The following TENM2 variants were observed in gnomAD, a reference collection of about 807,000 sequenced individuals.
The protein encoded by TENM2 is teneurin transmembrane protein 2, also known as teneurin-2.
A neutral mutation model predicts 245.2 loss-of-function variants in TENM2; 52 were observed. The ratio of observed to expected loss-of-function variants is 0.21; its 90% CI spans 0.17 to 0.27. The LOEUF (loss-of-function observed/expected upper bound fraction) is 0.27, where lower values mean the gene tolerates loss of function less well. Ranked by LOEUF, TENM2 falls within the 10% of genes least tolerant of loss-of-function variation. The probability of loss-of-function intolerance (pLI) is 1.00; values close to 1 mark genes in which losing one functional copy is unlikely to be tolerated. For synonymous variants in TENM2, 1,363 were observed against 1,438.9 expected (o/e 0.95, Z 1.19); for missense variants, 3,046 against 3,666.8 (o/e 0.83, Z 4.37).
rs142266714 is a variant in TENM2, at chr5:167,728,557, T to C, written c.503-147429T>C. 1,101 of 152,352 alleles carry C rather than the reference T, an allele frequency of 7.2e-3. 16 individuals are homozygous for C. Among genetic ancestry groups the C allele is most frequent in the African/African-American group, 0.025 (1,048 of 41,520 alleles). 9.4% of individuals were successfully genotyped at this position (152,352 alleles called of 1,614,324 possible). ...AGGTCTAGGCTGCAGTGAGCTATGA[T>C]TGCACCACTGCACTCCAGCCTGGGT... On this transcript the variant is annotated intron_variant, in intron 2 of 28. Coordinates refer to ENST00000518659, the Ensembl canonical transcript of TENM2.
chr5:167,886,444 A>T (rs1470552117), intron 3 of TENM2, among the ~76,000 whole-genome samples: 2 of 152,250 alleles, frequency 1.3e-5, no homozygotes, highest in Admixed American at 6.5e-5. Flanking sequence ...ATGAGAGGAT[A>T]TGTGGGCTGG....
At chr5:167,263,021 C>T in the TENM2 span, among the ~76,000 whole-genome samples, 1 of 152,132 alleles carries the variant, frequency 6.6e-6, no homozygotes, top group African/African-American at 2.4e-5. Context: ...TTCACAAGGA[C>T]AACAATATCA....
chr5:167,754,899 C>A, intron 2 of TENM2: 2 of 984,070 alleles, frequency 2.0e-6, no homozygotes, highest in Non-Finnish European at 2.9e-6. Context: ...GGGAAGGGAG[C>A]AGAAAGGGAG....
intron 2 of TENM2, among the ~76,000 whole-genome samples, chr5:167,685,500 T>A (rs1757014286): frequency 6.6e-6 from 1 of 152,192 alleles, no homozygotes; most frequent in African/African-American, 2.4e-5. Flanking sequence ...ATCTTTCACA[T>A]GCTGTGGGAG....
intron 5 of TENM2, among the ~76,000 whole-genome samples, chr5:167,997,100 C>T (rs888343738): frequency 6.6e-6 from 1 of 152,162 alleles, no homozygotes; most frequent in Admixed American, 6.5e-5. Flanking sequence ...TCAACCAACA[C>T]TCTAGCAGAA....
intron 2 of TENM2, among the ~76,000 whole-genome samples, chr5:167,787,153 T>G (rs901791401): frequency 8.5e-5 from 13 of 152,292 alleles, no homozygotes; most frequent in African/African-American, 3.1e-4. Context: ...GATTCCACAC[T>G]CAGGAGATGG....
intron 2 of TENM2, among the ~76,000 whole-genome samples, chr5:167,581,566 T>C (rs1424232691): frequency 6.6e-6 from 1 of 152,228 alleles, no homozygotes; most frequent in Non-Finnish European, 1.5e-5. Context: ...TTAGTATTCG[T>C]ATTTGTGTTA....
At chr5:167,372,957 A>G (rs926547868) in intron 1 of TENM2, among the ~76,000 whole-genome samples, 2 of 152,256 alleles carry the variant, frequency 1.3e-5, no homozygotes, top group African/African-American at 4.8e-5. Flanking sequence ...TACTCTGGGC[A>G]GAGAATTTCA....
At chr5:166,986,751 A>C in the TENM2 span, among the ~76,000 whole-genome samples, 5 of 152,224 alleles carry the variant, frequency 3.3e-5, no homozygotes, top group Non-Finnish European at 5.9e-5. Flanking sequence ...TGGGTAAATT[A>C]CGACTTATTG....
intron 1 of TENM2, among the ~76,000 whole-genome samples, chr5:167,295,696 A>T (rs1434659758): frequency 1.3e-5 from 2 of 152,174 alleles, no homozygotes; most frequent in African/African-American, 4.8e-5. Context: ...GGGACATATG[A>T]AGAGGAAGGG....
intron 2 of TENM2, among the ~76,000 whole-genome samples, chr5:167,730,263 T>G (rs1167157431): frequency 6.6e-6 from 1 of 152,196 alleles, no homozygotes; most frequent in Non-Finnish European, 1.5e-5. Flanking sequence ...TTATGCAATT[T>G]ACAGAATTGA....
chr5:168,114,695 C>T (rs146109886), intron 9 of TENM2, among the ~76,000 whole-genome samples: 2 of 152,302 alleles, frequency 1.3e-5, no homozygotes, highest in Non-Finnish European at 2.9e-5. Flanking sequence ...CCTTCCACTT[C>T]TTTGTATGGC....
intron 1 of TENM2, among the ~76,000 whole-genome samples, chr5:167,347,178 T>C (rs1758514963): frequency 6.6e-6 from 1 of 152,128 alleles, no homozygotes; most frequent in Non-Finnish European, 1.5e-5. Context: ...AGACCGAATC[T>C]TTTTTAATGG....
chr5:167,322,213 G>GTT (rs70976410), intron 1 of TENM2, among the ~76,000 whole-genome samples: 5 of 146,098 alleles, frequency 3.4e-5, no homozygotes, highest in Non-Finnish European at 6.0e-5. Flanking sequence ...AAAAATATTT[G>GTT]TTTTTTTTTT....
intron 9 of TENM2, among the ~76,000 whole-genome samples, chr5:168,109,057 A>C (rs973876780): frequency 6.6e-6 from 1 of 151,934 alleles, no homozygotes; most frequent in African/African-American, 2.4e-5. Context: ...CTACCACCCC[A>C]TCTTGCCCTG....
chr5:167,679,270 T>C (rs1756540699), intron 2 of TENM2, among the ~76,000 whole-genome samples: 1 of 152,160 alleles, frequency 6.6e-6, no homozygotes, highest in East Asian at 1.9e-4. Context: ...CATTCTAAGC[T>C]GTATTGCTGT....
rs546322930 is a variant in TENM2 at position 168,158,574 on chromosome 5, C to G, written c.2423-4037C>G. Among the ~76,000 whole-genome samples, 5 of 151,654 alleles carry G rather than the reference C, an allele frequency of 3.3e-5. No individual in the cohort carries two copies. In the South Asian group the frequency reaches 1.0e-3, roughly 32 times the overall value. ...TATCGTTCTTCATTGTGGGGCCTGT[C>G]CTGTGCATTGTAGGATGTTGAGCAG... On this transcript the variant is annotated intron_variant, in intron 12 of 28. Coordinates refer to ENST00000518659, the Ensembl canonical transcript of TENM2.
At chr5:168,242,313 C>T (rs1020638290) in intron 25 of TENM2, among the ~76,000 whole-genome samples, 6 of 152,182 alleles carry the variant, frequency 3.9e-5, no homozygotes, top group Non-Finnish European at 8.8e-5. Flanking sequence ...GTCCCACCCC[C>T]TCACACCCCC....
intron 2 of TENM2, among the ~76,000 whole-genome samples, chr5:167,730,503 G>A (rs758476408): frequency 2.6e-5 from 4 of 152,020 alleles, no homozygotes; most frequent in Non-Finnish European, 4.4e-5. Context: ...AATTTCTAGG[G>A]CTTTTTGTGA....
Sources: gnomAD v4.1 joint callset for allele counts (sites outside exome capture counted in the v4.1 genomes callset) on GRCh38, gnomAD v4.1.1 for gene constraint, MANE v1.5 for transcripts, NCBI Gene and HGNC (gene_info 2026-07-23, HGNC 2026-07-21) for gene names.